GPR180: variants seen among roughly 807,000 people sequenced by gnomAD.
The protein encoded by GPR180 is integral membrane protein GPR180.
A neutral mutation model predicts 52.6 loss-of-function variants in GPR180; 53 were observed. That is an observed-to-expected ratio of 1.01 (90% CI 0.81 to 1.27). The LOEUF (loss-of-function observed/expected upper bound fraction) is 1.27, where lower values mean the gene tolerates loss of function less well. Ranked by LOEUF, GPR180 falls within the 50% of genes most tolerant of loss-of-function variation. The pLI, the probability that GPR180 is intolerant of heterozygous loss-of-function variation, is 0.00. For synonymous variants in GPR180, 200 were observed against 193.1 expected (o/e 1.04, Z -0.30); for missense variants, 533 against 527.0 (o/e 1.01, Z -0.11).
At chr13:94,612,523 T>A in intron 3 of GPR180, 133 bp downstream of exon 3, 1 of 647,412 alleles carries the variant, frequency 1.5e-6, no homozygotes, top group East Asian at 2.8e-5. Flanking sequence ...TAAATTAATC[T>A]TCTTATAGCA....
intron 6 of GPR180, 29 bp downstream of exon 6, chr13:94,621,264 T>C (rs1289514664): frequency 6.6e-7 from 1 of 1,507,054 alleles, no homozygotes; most frequent in Non-Finnish European, 8.9e-7. Context: ...TGTTTCTGCT[T>C]AGTAATCCTC....
chr13:94,604,524 A>C (rs1889604908), intron 1 of GPR180, among the ~76,000 whole-genome samples: 1 of 151,954 alleles, frequency 6.6e-6, no homozygotes. Context: ...TGGGAGGTGG[A>C]GGTTGCAGTG....
Position 94,621,171 on chromosome 13 carries a change from G to C in GPR180, c.830G>C (p.Arg277Thr). 1 of 1,612,272 alleles carries C rather than the reference G, an allele frequency of 6.2e-7. No individual in the cohort carries two copies. Among genetic ancestry groups the C allele is most frequent in the Non-Finnish European group, 8.5e-7 (1 of 1,179,696 alleles). The change falls in exon 6 of 9, where the codon AGA becomes ACA. Residue 277 changes from arginine to threonine, a missense_variant. By Grantham distance (71) the Arg-to-Thr change is moderately conservative. Transcript: ENST00000376958. ...TIVRMKKSQS[R>T]PLQWDSTPAS... ...GTCAGAATGAAGAAGTCTCAAAGCA[G>C]ACCTCTCCAGTGGGATTCTACGCCT...
chr13:94,625,203 G>C (rs1433837311), intron 7 of GPR180, among the ~76,000 whole-genome samples: 1 of 152,196 alleles, frequency 6.6e-6, no homozygotes, highest in Admixed American at 6.5e-5. Flanking sequence ...ACATCTAAAA[G>C]TATTTAAGGA....
rs570807308 is a variant in GPR180, at chr13:94,618,420, A to ATTTTTTTTTTTTTTTTTTTTTTTTTTTTT, written c.506-707_506-706insTTTTTTTTTTTTTTTTTTTTTTTTTTTTT. ...CATGGAGTCGCATGATCAGCACAGG[A>ATTTTTTTTTTTTTTTTTTTTTTTTTTTTT]TTTTTTTTTTTTTTTTTTTTTTTGG... On this transcript the variant is annotated intron_variant, in intron 3 of 8. Coordinates refer to ENST00000376958, the MANE Select transcript of GPR180 (RefSeq NM_180989.6). Among the ~76,000 whole-genome samples the ATTTTTTTTTTTTTTTTTTTTTTTTTTTTT allele has an allele frequency of 4.5e-4, 39 of 87,130 alleles. 7 individuals carry two copies. Among genetic ancestry groups the ATTTTTTTTTTTTTTTTTTTTTTTTTTTTT allele is most frequent in the African/African-American group, 1.7e-3 (27 of 15,830 alleles). The allele number at this position is 87,130 out of a possible 152,430, so 57.2% of individuals were successfully genotyped here.
At chr13:94,610,272 C>T (rs1203464843) in intron 2 of GPR180, among the ~76,000 whole-genome samples, 1 of 152,090 alleles carries the variant, frequency 6.6e-6, no homozygotes, top group African/African-American at 2.4e-5. Context: ...TTTCTAGTTA[C>T]CTCAAGAAAT....
intron 7 of GPR180, among the ~76,000 whole-genome samples, chr13:94,625,570 GT>G (rs1025585913): frequency 2.6e-5 from 4 of 152,146 alleles, no homozygotes; most frequent in African/African-American, 9.6e-5. Context: ...GACTATTAAT[GT>G]TTTTTGTGTA....
chr13:94,602,612 G>A (rs894417163), intron 1 of GPR180, among the ~76,000 whole-genome samples: 32 of 151,862 alleles, frequency 2.1e-4, no homozygotes, highest in African/African-American at 7.5e-4. Flanking sequence ...GGCTACTAGG[G>A]CAGTAGATTT....
At chr13:94,614,908 G>T (rs1889758126) in intron 3 of GPR180, among the ~76,000 whole-genome samples, 1 of 152,184 alleles carries the variant, frequency 6.6e-6, no homozygotes, top group Non-Finnish European at 1.5e-5. Context: ...GTATCCAAAA[G>T]CGTCCAGCCT....
Position 94,627,314 on chromosome 13 carries a change from G to A in GPR180, c.*143G>A. On this transcript the variant is annotated 3_prime_UTR_variant, in exon 9 of 9. Coordinates refer to ENST00000376958, the MANE Select transcript of GPR180 (RefSeq NM_180989.6). ...ATGTTATTTATATAACTGCATTTAA[G>A]CAGTACCAAGACTGAAAAAAAAGGT... 1 of 644,680 alleles carries A rather than the reference G, an allele frequency of 1.6e-6. No individual in the cohort carries two copies. The highest frequency in any genetic ancestry group is 2.6e-6 in the Non-Finnish European group (1 of 379,196). 39.9% of individuals were successfully genotyped at this position (644,680 alleles called of 1,614,324 possible). A position where few individuals can be genotyped will look rare whatever the true frequency, so the allele number is the denominator to read the frequency against.
At position 94,633,962 on chromosome 13, in the gene GPR180, C is replaced by T. The variant is rs1004378877; in HGVS notation, c.*6791C>T. ...GTTATATAATCCATCTTTACTGATT[C>T]GTTGCTAATTGGTTTCTGGACTTTT... On this transcript the variant is annotated 3_prime_UTR_variant, in exon 9 of 9. Transcript: ENST00000376958. The T allele has an allele frequency of 2.0e-5, 3 of 151,798 alleles. No homozygotes were observed. The highest frequency in any genetic ancestry group is 4.8e-5 in the African/African-American group (2 of 41,340). The allele number at this position is 151,798 out of a possible 1,614,324, so 9.4% of individuals were successfully genotyped here.
chr13:94,619,361 C>G (rs986765022), intron 4 of GPR180, 31 bp downstream of exon 4: 2 of 1,609,030 alleles, frequency 1.2e-6, no homozygotes, highest in African/African-American at 1.3e-5. Context: ...CTGTGTTCAT[C>G]ATTACATCTA....
At chr13:94,613,388 C>T (rs763136662) in intron 3 of GPR180, among the ~76,000 whole-genome samples, 8 of 152,130 alleles carry the variant, frequency 5.3e-5, no homozygotes, top group Non-Finnish European at 1.2e-4. Flanking sequence ...AAGGGATAAA[C>T]TTTTTAAAAA....
chr13:94,614,233 A>G (rs148728923), intron 3 of GPR180, among the ~76,000 whole-genome samples: 4 of 152,332 alleles, frequency 2.6e-5, no homozygotes, highest in African/African-American at 9.6e-5. Context: ...GGACTGGTCA[A>G]GGCTCACTAG....
intron 2 of GPR180, among the ~76,000 whole-genome samples, 179 bp downstream of exon 2, chr13:94,605,728 C>T (rs1475741371): frequency 6.6e-6 from 1 of 151,692 alleles, no homozygotes; most frequent in Non-Finnish European, 1.5e-5. Flanking sequence ...TATCATTCAT[C>T]GTTTTTGAAA....
intron 1 of GPR180, among the ~76,000 whole-genome samples, chr13:94,604,637 G>A (rs9516445): frequency 0.31 from 46,622 of 151,940 alleles, 7,738 homozygotes; most frequent in Non-Finnish European, 0.38. Flanking sequence ...GTGCAGTGGT[G>A]TAATCAAAGC....
At position 94,634,173 on chromosome 13, in the gene GPR180, A is replaced by G. The variant is rs1566988027; in HGVS notation, c.*7002A>G. On this transcript the variant is annotated 3_prime_UTR_variant, in exon 9 of 9. Transcript: ENST00000376958. ...AATTTTTCTGATTTTCAAAAGAAAAAAAATCCTGTTTAGTATTCTTAGTGG... is the reference window on the plus strand; with the variant it reads ...AATTTTTCTGATTTTCAAAAGAAAAGAAATCCTGTTTAGTATTCTTAGTGG... The G allele has an allele frequency of 6.6e-6, 1 of 152,162 alleles. No individual in the cohort carries two copies. Among genetic ancestry groups the G allele is most frequent in the Non-Finnish European group, 1.5e-5 (1 of 68,020 alleles). 9.4% of individuals were successfully genotyped at this position (152,162 alleles called of 1,614,324 possible). A position where few individuals can be genotyped will look rare whatever the true frequency, so the allele number is the denominator to read the frequency against.
At chr13:94,612,792 A>G (rs538936103) in intron 3 of GPR180, among the ~76,000 whole-genome samples, 8 of 152,344 alleles carry the variant, frequency 5.3e-5, no homozygotes, top group Non-Finnish European at 7.3e-5. Context: ...AAACAGAAAA[A>G]TGGTAACAAA....
intron 2 of GPR180, among the ~76,000 whole-genome samples, chr13:94,606,981 G>T (rs1889641378): frequency 6.6e-6 from 1 of 152,160 alleles, no homozygotes; most frequent in Non-Finnish European, 1.5e-5. Flanking sequence ...ATGTGTAAAA[G>T]GTCATGTCCT....
Sources: allele counts gnomAD v4.1 joint callset (sites outside exome capture counted in the v4.1 genomes callset), GRCh38; gene constraint gnomAD v4.1.1; transcripts MANE v1.5; gene names NCBI Gene and HGNC (gene_info 2026-07-23, HGNC 2026-07-21).